The following SRCIN1 variants were observed in gnomAD, a reference collection of about 807,000 sequenced individuals.
The protein encoded by SRCIN1 is P130Cas-associated protein.
In SRCIN1, 50 loss-of-function variants were observed where a neutral mutation model predicts 116.2. The ratio of observed to expected loss-of-function variants is 0.43; its 90% CI spans 0.34 to 0.54. The LOEUF (loss-of-function observed/expected upper bound fraction) is 0.54. Among genes scored for constraint, SRCIN1 ranks in the 20% least tolerant of loss-of-function variants. The probability of loss-of-function intolerance (pLI) is 0.02; values close to 1 mark genes in which losing one functional copy is unlikely to be tolerated. For missense variants in SRCIN1, 1,446 were observed against 1,672.0 expected, an observed-to-expected ratio of 0.86 and a Z score of 2.36; for synonymous variants, 736 against 750.0, an observed-to-expected ratio of 0.98 and a Z score of 0.30.
chr17:38,545,816 G>A (rs556370860), intron 17 of SRCIN1, among the ~76,000 whole-genome samples: 7 of 152,350 alleles, frequency 4.6e-5, no homozygotes, highest in African/African-American at 1.7e-4. Flanking sequence ...GCCGGTGGAG[G>A]ATGAAGTGAG....
intron 16 of SRCIN1, 60 bp from the exon 17 acceptor site, chr17:38,548,769 C>T: frequency 6.8e-7 from 1 of 1,480,202 alleles, no homozygotes; most frequent in African/African-American, 1.4e-5. Context: ...ACCAGCTCAC[C>T]TCCCAGGCCC....
At chr17:38,578,242 G>C (rs889469276) in intron 2 of SRCIN1, among the ~76,000 whole-genome samples, 1 of 152,190 alleles carries the variant, frequency 6.6e-6, no homozygotes, top group African/African-American at 2.4e-5. Flanking sequence ...ACACGCTCTC[G>C]ATTTCCGGAC....
At chr17:38,549,308 G>GGTCCTCCCT in intron 15 of SRCIN1, 98 bp from the exon 16 acceptor site, 3 of 1,238,758 alleles carry the variant, frequency 2.4e-6, no homozygotes, top group East Asian at 2.9e-5. Context: ...TCTTCCTCCA[G>GGTCCTCCCT]GGAGGACCAG....
upstream of SRCIN1, among the ~76,000 whole-genome samples, chr17:38,606,137 C>T (rs557763565): frequency 1.1e-4 from 16 of 151,200 alleles, 1 homozygote; most frequent in East Asian, 3.2e-3. This position sits in a 1 kb window ranked among gnomAD's most constrained non-coding sequence, Gnocchi z 5.2. Context: ...CGGCCGGGGC[C>T]GGGCGCGGGG....
At chr17:38,581,410 AAAAAAAAAG>A (rs1374071009) in intron 1 of SRCIN1, among the ~76,000 whole-genome samples, 1 of 143,194 alleles carries the variant, frequency 7.0e-6, no homozygotes, top group African/African-American at 2.9e-5. Context: ...TGTCTCAAAA[AAAAAAAAAG>A]AAAAAAGAAA....
At chr17:38,553,575 T>A (rs1018827633) in intron 11 of SRCIN1, among the ~76,000 whole-genome samples, 1 of 152,076 alleles carries the variant, frequency 6.6e-6, no homozygotes. Flanking sequence ...TCTCACATGA[T>A]CCAGCCACAC....
Position 38,535,280 on chromosome 17 carries a change from C to T in SRCIN1, c.3418-1849G>A, listed in dbSNP as rs140155413. On this transcript the variant is annotated intron_variant, in intron 18 of 18. Coordinates refer to ENST00000617146, the MANE Select transcript of SRCIN1 (RefSeq NM_025248.3). ...CTGGAGTACAATGGCGCAATCTTGGCTCACGGCAACCTCCGCCTCCCGGGT... is the reference window on the plus strand; with the variant it reads ...CTGGAGTACAATGGCGCAATCTTGGTTCACGGCAACCTCCGCCTCCCGGGT... Among the ~76,000 whole-genome samples the T allele has an allele frequency of 1.8e-3, 259 of 144,570 alleles. 2 individuals carry two copies. The highest frequency in any genetic ancestry group is 6.7e-3 in the African/African-American group (253 of 37,790). The allele number at this position is 144,570 out of a possible 152,430, so 94.8% of individuals were successfully genotyped here.
At chr17:38,560,748 C>A (rs1906182102) in intron 7 of SRCIN1, among the ~76,000 whole-genome samples, 1 of 152,210 alleles carries the variant, frequency 6.6e-6, no homozygotes, top group African/African-American at 2.4e-5. Flanking sequence ...TCCATACCAC[C>A]CAAGGGAAGT....
chr17:38,540,770 T>A (rs866881827), intron 18 of SRCIN1, among the ~76,000 whole-genome samples: 4 of 145,088 alleles, frequency 2.8e-5, no homozygotes, highest in South Asian at 2.1e-4. Flanking sequence ...TGTGTGTGTG[T>A]GTGACACACA....
rs372044546 is a variant in SRCIN1, at chr17:38,552,782, G to C, written c.2275C>G (p.Leu759Val). 7.4e-6 allele frequency: 12 copies of C among 1,613,994 alleles called. No individual in the cohort carries two copies. The highest frequency in any genetic ancestry group is 1.0e-5 in the Non-Finnish European group (12 of 1,179,898). The stretch of plus-strand genomic sequence containing the variant: ...TTCAGCACCAGTGCCTTCTCCTCCA[G>C]CTCAGGGCCGGGCACCAGCCGGTGG... ...HNHRLVPGPE[L>V]EEKALVLKQL... Residue 759 changes from leucine (L) to valine (V), a missense_variant, in exon 12 of 19, where the codon CTG (leucine) becomes GTG (valine). Leu to Val is a conservative substitution (Grantham distance 32). Transcript: ENST00000617146. The surrounding 1 kb of genome is among the most constrained non-coding windows in gnomAD (Gnocchi z 5.3).
chr17:38,553,159 G>A (rs1905557881), intron 11 of SRCIN1, among the ~76,000 whole-genome samples: 1 of 152,188 alleles, frequency 6.6e-6, no homozygotes, highest in Admixed American at 6.5e-5. Context: ...GGGAGGCTAA[G>A]GCAGGGGGAA....
At position 38,567,060 on chromosome 17, in the gene SRCIN1, G is replaced by T. The variant is rs185991127; in HGVS notation, c.345+1151C>A. ...CAGCCTCAATCTCCCATACTCAAGT[G>T]ATCCTCCCACCTCAGCCTCCCTCCT... is the stretch of plus-strand genomic sequence containing the variant. On this transcript the variant is annotated intron_variant, in intron 3 of 18. Transcript: ENST00000617146. Among the ~76,000 whole-genome samples, 378 of 152,128 alleles carry T rather than the reference G, an allele frequency of 2.5e-3. 3 individuals are homozygous for T. The highest frequency in any genetic ancestry group is 2.6e-3 in the Non-Finnish European group (178 of 67,996).
chr17:38,575,965 A>G (rs1907395662), intron 2 of SRCIN1, among the ~76,000 whole-genome samples: 1 of 152,162 alleles, frequency 6.6e-6, no homozygotes, highest in Non-Finnish European at 1.5e-5. Flanking sequence ...GATCCTGCCC[A>G]CTTACACTCT....
chr17:38,542,831 C>A, intron 18 of SRCIN1: 1 of 305,782 alleles, frequency 3.3e-6, no homozygotes, highest in Non-Finnish European at 6.6e-6. Flanking sequence ...GAGATGGACT[C>A]ACCCATCTCT....
chr17:38,552,668 G>T lies in SRCIN1; in HGVS notation c.2332+57C>A. 6.2e-7 allele frequency: 1 copy of T among 1,613,206 alleles called. No individual in the cohort carries two copies. The highest frequency in any genetic ancestry group is 8.5e-7 in the Non-Finnish European group (1 of 1,179,774). ...CTGGGAGGAGAGGATGGTGGCTGGA[G>T]TATGGCAGACTTCCCCACCCTGAAC... is the stretch of plus-strand genomic sequence containing the variant. On this transcript the variant is annotated intron_variant, in intron 12 of 18. Transcript: ENST00000617146. The surrounding 1 kb of genome is among the most constrained non-coding windows in gnomAD (Gnocchi z 5.3).
intron 3 of SRCIN1, 132 bp from the exon 4 acceptor site, chr17:38,564,445 A>C: frequency 4.2e-6 from 4 of 948,454 alleles, no homozygotes; most frequent in Non-Finnish European, 6.1e-6. Context: ...AGACTCCCAC[A>C]CAGATTACAG....
At chr17:38,566,553 G>A (rs917235092) in intron 3 of SRCIN1, among the ~76,000 whole-genome samples, 3 of 152,236 alleles carry the variant, frequency 2.0e-5, no homozygotes, top group African/African-American at 7.2e-5. Flanking sequence ...TCACCAGAGT[G>A]TTCCAGGGAG....
intron 15 of SRCIN1, among the ~76,000 whole-genome samples, chr17:38,550,870 A>C (rs1253527418): frequency 6.6e-6 from 1 of 152,228 alleles, no homozygotes; most frequent in Non-Finnish European, 1.5e-5. Context: ...GCATGTGCCC[A>C]GCCAAGCCGT....
intron 1 of SRCIN1, among the ~76,000 whole-genome samples, chr17:38,592,609 A>C (rs1200957917): frequency 6.6e-6 from 1 of 152,200 alleles, no homozygotes; most frequent in East Asian, 1.9e-4. Flanking sequence ...CCAATGGCAA[A>C]ATGGAAAAAA....
Sources: allele counts gnomAD v4.1 joint callset (sites outside exome capture counted in the v4.1 genomes callset), GRCh38; gene constraint gnomAD v4.1.1; non-coding constraint Gnocchi (gnomAD v3.1); transcripts MANE v1.5; gene names NCBI Gene and HGNC (gene_info 2026-07-23, HGNC 2026-07-21).